Variants in SHISA6 observed in about 807,000 individuals in gnomAD.
SHISA6 encodes shisa family member 6.
SHISA6 carries 22 observed loss-of-function variants against 47.9 expected under a neutral mutation model. That is an observed-to-expected ratio of 0.46 (90% CI 0.33 to 0.66). SHISA6 has a LOEUF of 0.66. SHISA6 is among the 30% of genes least tolerant of loss of function. The pLI, the probability that SHISA6 is intolerant of heterozygous loss-of-function variation, is 0.02. For missense variants in SHISA6, 680 were observed against 764.6 expected (o/e 0.89, Z 1.30); for synonymous variants, 388 against 337.8 (o/e 1.15, Z -1.63).
intron 1 of SHISA6, among the ~76,000 whole-genome samples, chr17:11,245,749 T>TGTG (rs1555570401): frequency 8.5e-4 from 94 of 110,484 alleles, no homozygotes; most frequent in African/African-American, 3.5e-3. Context: ...GTGGGCAGGG[T>TGTG]GGGGGGGGTG....
intron 3 of SHISA6, among the ~76,000 whole-genome samples, chr17:11,462,891 G>A (rs757588760): frequency 6.6e-5 from 10 of 152,208 alleles, no homozygotes; most frequent in Non-Finnish European, 1.2e-4. Flanking sequence ...GCCTCCCAAA[G>A]TGCTGGGATT....
intron 3 of SHISA6, among the ~76,000 whole-genome samples, chr17:11,390,312 A>G (rs1165842374): frequency 1.3e-5 from 2 of 152,118 alleles, no homozygotes; most frequent in Non-Finnish European, 2.9e-5. Context: ...TAACAGTACT[A>G]CCTACTTATC....
chr17:11,405,805 A>G (rs201359834), intron 3 of SHISA6, among the ~76,000 whole-genome samples: 1 of 151,764 alleles, frequency 6.6e-6, no homozygotes. Context: ...AAAAAAAAAG[A>G]AAAGAAAAAA....
At chr17:11,388,160 C>T (rs895381238) in intron 3 of SHISA6, among the ~76,000 whole-genome samples, 4 of 152,098 alleles carry the variant, frequency 2.6e-5, no homozygotes, top group South Asian at 2.1e-4. Context: ...TTTCACAGTC[C>T]GGAGAGCCAG....
intron 2 of SHISA6, among the ~76,000 whole-genome samples, chr17:11,309,873 A>G (rs1910254881): frequency 2.6e-5 from 4 of 152,358 alleles, no homozygotes; most frequent in Admixed American, 1.3e-4. Flanking sequence ...AAGTGTCAAG[A>G]AAAGGGATTT....
chr17:11,308,047 G>A (rs557995130), intron 2 of SHISA6, among the ~76,000 whole-genome samples: 12 of 152,254 alleles, frequency 7.9e-5, no homozygotes, highest in Admixed American at 2.0e-4. Flanking sequence ...TCTGACTTTG[G>A]TGGGGTAAGG....
chr17:11,541,428 C>T (rs2071832764), intron 3 of SHISA6, among the ~76,000 whole-genome samples: 1 of 152,194 alleles, frequency 6.6e-6, no homozygotes, highest in South Asian at 2.1e-4. Flanking sequence ...GCAGAGGAAG[C>T]CACTGAGCTT....
In SHISA6 at chr17:11,550,057, A is replaced by AT. The variant is rs748483009; in HGVS notation, c.896-1826dup. The stretch of plus-strand genomic sequence containing the variant: ...ACCCCCACTGGATAGTGTGCTTGAC[A>AT]TTTTTTTTTTTTTCCGAGACGAAGT... On this transcript the variant is annotated intron_variant, in intron 3 of 5. Transcript: ENST00000441885. Among the ~76,000 whole-genome samples, 507 of 142,760 alleles carry AT rather than the reference A, an allele frequency of 3.6e-3. 3 individuals are homozygous for AT. Among genetic ancestry groups the AT allele is most frequent in the African/African-American group, 9.3e-3 (363 of 39,192 alleles). 93.7% of individuals were successfully genotyped at this position (142,760 alleles called of 152,430 possible).
intron 3 of SHISA6, among the ~76,000 whole-genome samples, chr17:11,457,312 G>A (rs1327417408): frequency 6.6e-6 from 1 of 152,112 alleles, no homozygotes; most frequent in Non-Finnish European, 1.5e-5. Context: ...TCTTCCCGAG[G>A]AAGCTTTTCT....
intron 3 of SHISA6, among the ~76,000 whole-genome samples, chr17:11,408,969 C>T (rs1597498564): frequency 1.3e-5 from 2 of 152,056 alleles, no homozygotes; most frequent in African/African-American, 2.4e-5. Flanking sequence ...TGACTGGGAA[C>T]GTTGCAAGAC....
chr17:11,282,646 G>A (rs1484302239), intron 2 of SHISA6, among the ~76,000 whole-genome samples: 1 of 152,182 alleles, frequency 6.6e-6, no homozygotes, highest in East Asian at 1.9e-4. Flanking sequence ...AGAACATGCG[G>A]TATTTGGTTT....
At chr17:11,300,059 C>T (rs1030361145) in intron 2 of SHISA6, among the ~76,000 whole-genome samples, 4 of 149,478 alleles carry the variant, frequency 2.7e-5, no homozygotes, top group South Asian at 2.1e-4. Context: ...GCAGGAGAAT[C>T]GCTTGAACCT....
intron 2 of SHISA6, among the ~76,000 whole-genome samples, chr17:11,291,613 G>A (rs778084504): frequency 3.9e-5 from 6 of 151,988 alleles, no homozygotes; most frequent in Non-Finnish European, 7.4e-5. Flanking sequence ...CGGCCTGGGC[G>A]ACAGAGCGAG....
chr17:11,439,618 A>C (rs1393509877), intron 3 of SHISA6, among the ~76,000 whole-genome samples: 1 of 152,200 alleles, frequency 6.6e-6, no homozygotes, highest in Non-Finnish European at 1.5e-5. Flanking sequence ...AAGTCCAACT[A>C]ATTCTAAATG....
intron 2 of SHISA6, among the ~76,000 whole-genome samples, chr17:11,268,413 C>T (rs1416276688): frequency 6.6e-6 from 1 of 151,408 alleles, no homozygotes; most frequent in Admixed American, 6.6e-5. Context: ...CTACCTTCTG[C>T]TTCCCTCCTA....
chr17:11,364,329 T>C (rs1358408125), intron 2 of SHISA6, among the ~76,000 whole-genome samples: 1 of 152,184 alleles, frequency 6.6e-6, no homozygotes, highest in Non-Finnish European at 1.5e-5. Flanking sequence ...CATTATCAAA[T>C]AGCTTGGCCT....
At chr17:11,474,919 T>C (rs1916017995) in intron 3 of SHISA6, among the ~76,000 whole-genome samples, 1 of 152,162 alleles carries the variant, frequency 6.6e-6, no homozygotes, top group African/African-American at 2.4e-5. Flanking sequence ...TTGCATTGAA[T>C]CTATAGATCA....
In SHISA6 at chr17:11,558,435, C is replaced by T. The variant is rs1479203644; in HGVS notation, c.*131C>T. 2.7e-6 allele frequency: 3 copies of T among 1,095,138 alleles called. No individual in the cohort carries two copies. The highest frequency in any genetic ancestry group is 1.6e-5 in the African/African-American group (1 of 63,252). 67.8% of individuals were successfully genotyped at this position (1,095,138 alleles called of 1,614,324 possible). ...CTCTGTAGGAAGTGGGGGTGGGCCA[C>T]CTTTGCCCAAAAAGCCATACCCCCG... On this transcript the variant is annotated 3_prime_UTR_variant, in exon 6 of 6. Coordinates refer to ENST00000441885, the MANE Select transcript of SHISA6 (RefSeq NM_207386.4).
chr17:11,421,421 A>G (rs1033759951), intron 3 of SHISA6, among the ~76,000 whole-genome samples: 1 of 152,222 alleles, frequency 6.6e-6, no homozygotes, highest in African/African-American at 2.4e-5. Context: ...TTTATTATAT[A>G]AACCAAATAA....
Sources: allele counts gnomAD v4.1 joint callset (sites outside exome capture counted in the v4.1 genomes callset), GRCh38; gene constraint gnomAD v4.1.1; transcripts MANE v1.5; gene names NCBI Gene and HGNC (gene_info 2026-07-23, HGNC 2026-07-21).